EYA2: variants seen among roughly 807,000 people sequenced by gnomAD.
The protein encoded by EYA2 is EYA transcriptional coactivator and phosphatase 2.
EYA2 carries 31 observed loss-of-function variants against 69.2 expected under a neutral mutation model. The ratio of observed to expected loss-of-function variants is 0.45; its 90% CI spans 0.34 to 0.60. The LOEUF is 0.60. EYA2 is among the 20% of genes least tolerant of loss of function. EYA2 has a pLI of 0.02. For synonymous variants in EYA2, 257 were observed against 279.4 expected (o/e 0.92, Z 0.80); for missense variants, 622 against 701.2 (o/e 0.89, Z 1.28).
chr20:47,048,678 A>T (rs73622699), intron 5 of EYA2, among the ~76,000 whole-genome samples: 2 of 152,134 alleles, frequency 1.3e-5, no homozygotes, highest in Non-Finnish European at 2.9e-5. Context: ...CAGAGGTTGC[A>T]GTGAGCCAAG....
At chr20:47,124,794 T>A (rs528697050) in intron 9 of EYA2, among the ~76,000 whole-genome samples, 62 of 152,250 alleles carry the variant, frequency 4.1e-4, no homozygotes, top group African/African-American at 1.5e-3. Context: ...TATTTGTTAT[T>A]TTTGCCTTTA....
intron 9 of EYA2, among the ~76,000 whole-genome samples, chr20:47,106,126 C>G (rs1400375970): frequency 6.6e-6 from 1 of 152,100 alleles, no homozygotes; most frequent in African/African-American, 2.4e-5. Flanking sequence ...TACTGTAGAG[C>G]TTTTATTAAC....
chr20:46,971,622 A>G (rs1980151195), intron 1 of EYA2, among the ~76,000 whole-genome samples: 1 of 152,252 alleles, frequency 6.6e-6, no homozygotes, highest in Non-Finnish European at 1.5e-5. Context: ...ATTGGGGATC[A>G]CCTAACAATC....
At chr20:47,105,302 C>T (rs906011649) in intron 9 of EYA2, among the ~76,000 whole-genome samples, 12 of 152,206 alleles carry the variant, frequency 7.9e-5, no homozygotes, top group African/African-American at 2.7e-4. Context: ...GCCCATCTCC[C>T]CATTTTCTAC....
intron 2 of EYA2, among the ~76,000 whole-genome samples, chr20:46,991,178 A>G (rs1981636900): frequency 6.6e-6 from 1 of 152,222 alleles, no homozygotes; most frequent in Non-Finnish European, 1.5e-5. Context: ...AAAGACATTC[A>G]TCATTTTCTT....
chr20:47,126,276 G>A (rs1325749051), intron 9 of EYA2, among the ~76,000 whole-genome samples: 5 of 152,212 alleles, frequency 3.3e-5, no homozygotes, highest in African/African-American at 4.8e-5. Context: ...ACCAGGCCCC[G>A]GAGAAGCGAT....
chr20:46,939,658 G>T (rs994311410), intron 1 of EYA2, among the ~76,000 whole-genome samples: 2 of 152,276 alleles, frequency 1.3e-5, no homozygotes, highest in African/African-American at 2.4e-5. Context: ...AAACTAATTT[G>T]CAGTAGAAGT....
intron 10 of EYA2, among the ~76,000 whole-genome samples, chr20:47,165,800 A>T (rs527575014): frequency 5.9e-5 from 9 of 152,146 alleles, no homozygotes; most frequent in Non-Finnish European, 1.0e-4. Flanking sequence ...CCCCTCTCTC[A>T]GATTCCAGCC....
intron 1 of EYA2, among the ~76,000 whole-genome samples, chr20:46,897,076 T>C (rs1983849846): frequency 6.6e-6 from 1 of 152,222 alleles, no homozygotes; most frequent in Non-Finnish European, 1.5e-5. Context: ...TGTTTTGCAT[T>C]AAACACATCA....
intron 1 of EYA2, 23 bp from the exon 2 acceptor site, chr20:46,989,978 T>C (rs780737006): frequency 8.5e-7 from 1 of 1,170,264 alleles, no homozygotes; most frequent in Non-Finnish European, 1.3e-6. Context: ...GAATAAATTA[T>C]ATTTCCCTTT....
chr20:47,163,502 C>T (rs1321718404), intron 10 of EYA2, among the ~76,000 whole-genome samples: 1 of 151,858 alleles, frequency 6.6e-6, no homozygotes, highest in Non-Finnish European at 1.5e-5. Flanking sequence ...AGTTCAAGAC[C>T]GGCCTGACCA....
At chr20:46,935,337 G>A (rs767125730) in intron 1 of EYA2, among the ~76,000 whole-genome samples, 12 of 152,288 alleles carry the variant, frequency 7.9e-5, no homozygotes, top group Middle Eastern at 6.8e-3. Flanking sequence ...GTGACCTGCC[G>A]CACCTCTCTG....
At chr20:47,031,807 A>T (rs1297368248) in intron 5 of EYA2, among the ~76,000 whole-genome samples, 1 of 152,110 alleles carries the variant, frequency 6.6e-6, no homozygotes, top group African/African-American at 2.4e-5. Flanking sequence ...CCATCTGATC[A>T]TTGGCAGGGG....
At chr20:47,163,048 TAAAC>T (rs2034103561) in intron 10 of EYA2, among the ~76,000 whole-genome samples, 1 of 151,080 alleles carries the variant, frequency 6.6e-6, no homozygotes, top group Non-Finnish European at 1.5e-5. Context: ...TTTTTTTTTT[TAAAC>T]AGAGTCTTGC....
At chr20:46,945,058 C>T (rs1439826943) in intron 1 of EYA2, among the ~76,000 whole-genome samples, 1 of 151,082 alleles carries the variant, frequency 6.6e-6, no homozygotes, top group Non-Finnish European at 1.5e-5. Flanking sequence ...GAGCCTAGAT[C>T]AAGCCACTCC....
At chr20:47,009,490 T>G (rs1838465614) in intron 4 of EYA2, among the ~76,000 whole-genome samples, 1 of 152,210 alleles carries the variant, frequency 6.6e-6, no homozygotes, top group Admixed American at 6.5e-5. Context: ...ACATACATAA[T>G]AGAGTAATAC....
At chr20:47,032,668 G>A (rs554761532) in intron 5 of EYA2, among the ~76,000 whole-genome samples, 9 of 152,264 alleles carry the variant, frequency 5.9e-5, no homozygotes, top group African/African-American at 1.9e-4. Flanking sequence ...GTACTGCATC[G>A]AGAAAGCCAG....
rs1398573485 is a variant in EYA2 at position 47,110,158 on chromosome 20, G to T, written c.888+12990G>T. ...TATACTCATTTCCAGAGAAACTGAG[G>T]CCCAGAGAGGTGATGTGACTTAGTC... On this transcript the variant is annotated intron_variant, in intron 9 of 15. Transcript: ENST00000327619. Among the ~76,000 whole-genome samples, 4 of 152,206 alleles carry T rather than the reference G, an allele frequency of 2.6e-5. No individual in the cohort carries two copies. The East Asian group carries it at 5.8e-4, about 22-fold the overall frequency.
intron 1 of EYA2, among the ~76,000 whole-genome samples, chr20:46,910,239 G>C (rs1984575475): frequency 1.3e-5 from 2 of 152,296 alleles, no homozygotes; most frequent in South Asian, 4.1e-4. Flanking sequence ...CATGGTGGGA[G>C]ACGAAGAGGA....
Sources: gnomAD v4.1 joint callset for allele counts (sites outside exome capture counted in the v4.1 genomes callset) on GRCh38, gnomAD v4.1.1 for gene constraint, MANE v1.5 for transcripts, NCBI Gene and HGNC (gene_info 2026-07-23, HGNC 2026-07-21) for gene names.